The following ATP2C1 variants were observed in gnomAD, a reference collection of about 807,000 sequenced individuals.
The protein encoded by ATP2C1 is calcium-transporting ATPase type 2C member 1.
ATP2C1 carries 31 observed loss-of-function variants against 120.5 expected under a neutral mutation model. The ratio of observed to expected loss-of-function variants is 0.26; its 90% CI spans 0.19 to 0.35. ATP2C1 has a LOEUF of 0.35. Ranked by LOEUF, ATP2C1 falls within the 10% of genes least tolerant of loss-of-function variation. The pLI is 1.00. For synonymous variants in ATP2C1, 351 were observed against 358.7 expected (o/e 0.98, Z 0.24); for missense variants, 731 against 1,107.5 (o/e 0.66, Z 4.83).
At chr3:130,976,628 G>C (rs918397620) in intron 18 of ATP2C1, among the ~76,000 whole-genome samples, 70 of 152,266 alleles carry the variant, frequency 4.6e-4, no homozygotes, top group African/African-American at 1.7e-3. Context: ...AAGAGGCTTT[G>C]ATGACAGGTT....
chr3:130,914,829 A>C (rs192144785), intron 2 of ATP2C1, among the ~76,000 whole-genome samples: 4 of 152,316 alleles, frequency 2.6e-5, no homozygotes, highest in South Asian at 4.1e-4. Flanking sequence ...CATACCTTGA[A>C]CATGAAAACA....
At chr3:130,850,837 C>T (rs1652443259) in exon 1 of ATP2C1, 4 of 1,452,960 alleles carry the variant, frequency 2.8e-6, no homozygotes, top group African/African-American at 2.9e-5. Flanking sequence ...AGTCTGTTGC[C>T]TCCATCTAGA....
intron 18 of ATP2C1, among the ~76,000 whole-genome samples, chr3:130,976,909 G>A (rs947967164): frequency 5.9e-5 from 9 of 152,302 alleles, no homozygotes. Flanking sequence ...CACAGGGGGT[G>A]CCCTCGTACA....
At chr3:130,858,945 C>T (rs1429399064) in intron 1 of ATP2C1, among the ~76,000 whole-genome samples, 1 of 152,048 alleles carries the variant, frequency 6.6e-6, no homozygotes, top group Non-Finnish European at 1.5e-5. Context: ...TTATGATATA[C>T]TAATAAAGAT....
chr3:130,991,937 A>G (rs2062372208), intron 20 of ATP2C1, among the ~76,000 whole-genome samples: 1 of 152,222 alleles, frequency 6.6e-6, no homozygotes, highest in Admixed American at 6.5e-5. Context: ...GTACGAGGAG[A>G]GAAAACTAAT....
At position 130,972,659 on chromosome 3, in the gene ATP2C1, C is replaced by T. The variant is rs957682543; in HGVS notation, c.1414-2673C>T. 6.4e-5 allele frequency among the ~76,000 whole-genome samples: 9 copies of T among 140,540 alleles called. 1 individual carries two copies. The highest frequency in any genetic ancestry group is 2.4e-4 in the African/African-American group (9 of 37,698). The allele number at this position is 140,540 out of a possible 152,430, so 92.2% of individuals were successfully genotyped here. ...CACAACAGTCCCCAGAGTGTTCTTCCTGTGTCCATGTGTTCTCATTGTTCA... is the reference window on the plus strand; with the variant it reads ...CACAACAGTCCCCAGAGTGTTCTTCTTGTGTCCATGTGTTCTCATTGTTCA... On this transcript the variant is annotated intron_variant, in intron 17 of 27. Coordinates refer to ENST00000510168, the MANE Select transcript of ATP2C1 (RefSeq NM_001378687.1).
In ATP2C1 at chr3:131,001,205, T is replaced by TA; in HGVS notation, c.2630-14dup. 6.2e-7 allele frequency: 1 copy of TA among 1,610,946 alleles called. No homozygotes were observed. The highest frequency in any genetic ancestry group is 8.5e-7 in the Non-Finnish European group (1 of 1,177,882). ...TTTCAAAGAAATGTAAAACCCAACT[T>TA]ATTTTCTCTTGCAGATCTGTTGTTT... On this transcript the variant is annotated splice_polypyrimidine_tract_variant and intron_variant, in intron 27 of 27. Transcript: ENST00000510168.
intron 5 of ATP2C1, 140 bp from the exon 6 acceptor site, chr3:130,937,288 A>T (rs2059714789): frequency 6.7e-6 from 5 of 744,370 alleles, no homozygotes; most frequent in Non-Finnish European, 9.3e-6. Context: ...CCTTAAGGTA[A>T]AGTTGTGATT....
At chr3:130,935,471 T>A (rs1437602483) in intron 5 of ATP2C1, among the ~76,000 whole-genome samples, 1 of 152,212 alleles carries the variant, frequency 6.6e-6, no homozygotes, top group Non-Finnish European at 1.5e-5. Context: ...TTCATTTTTG[T>A]ATAAAAAATT....
At chr3:130,897,782 G>A (rs896714479) in intron 2 of ATP2C1, among the ~76,000 whole-genome samples, 1 of 152,088 alleles carries the variant, frequency 6.6e-6, no homozygotes, top group East Asian at 1.9e-4. Context: ...TAGACTCCAG[G>A]ATGTTTCATG....
chr3:130,978,797 A>G (rs1008722832), intron 18 of ATP2C1, among the ~76,000 whole-genome samples: 5 of 152,174 alleles, frequency 3.3e-5, no homozygotes. Context: ...AGAGTGTTTA[A>G]TTTTTCTGGA....
chr3:130,901,569 A>C (rs947551067), intron 2 of ATP2C1, among the ~76,000 whole-genome samples: 6 of 152,042 alleles, frequency 3.9e-5, no homozygotes, highest in African/African-American at 9.7e-5. Context: ...ACATGACTGC[A>C]AGATGTCATT....
intron 3 of ATP2C1, among the ~76,000 whole-genome samples, chr3:130,931,266 AC>A (rs2059437792): frequency 3.3e-5 from 5 of 152,108 alleles, no homozygotes; most frequent in Non-Finnish European, 5.9e-5. Flanking sequence ...TTTTGGGGGT[AC>A]AGATAATTTT....
chr3:130,932,841 T>G (rs958112992), intron 4 of ATP2C1, among the ~76,000 whole-genome samples: 3 of 152,202 alleles, frequency 2.0e-5, no homozygotes, highest in Non-Finnish European at 4.4e-5. Context: ...AAACGATCTA[T>G]GTTTAACTTT....
chr3:131,010,029 T>TA (rs1387693611), intron 26 of ATP2C1, among the ~76,000 whole-genome samples: 1 of 151,960 alleles, frequency 6.6e-6, no homozygotes, highest in Non-Finnish European at 1.5e-5. Context: ...CAGCATGTGG[T>TA]AGAGAGCAGC....
rs1332688046 is a variant in ATP2C1 at position 130,894,450 on chromosome 3, T to C, written c.-181+113T>C. On this transcript the variant is annotated intron_variant, in intron 1 of 27. Transcript: ENST00000510168. The surrounding 1 kb of genome is among the most constrained non-coding windows in gnomAD (Gnocchi z 4.5). ...GGGCATCTCTAGGGCGCCGCCCCGC[T>C]GGCGTGAGCTGGGGACGTTGCGGGC... 3.0e-6 allele frequency: 4 copies of C among 1,320,144 alleles called. No homozygotes were observed. Among genetic ancestry groups the C allele is most frequent in the Non-Finnish European group, 3.9e-6 (4 of 1,029,766 alleles). 81.8% of individuals were successfully genotyped at this position (1,320,144 alleles called of 1,614,324 possible).
intron 23 of ATP2C1, 75 bp downstream of exon 23, chr3:130,996,186 C>G (rs1478507820): frequency 1.9e-6 from 2 of 1,045,688 alleles, no homozygotes; most frequent in Non-Finnish European, 1.5e-6. Context: ...AGCAGAATGC[C>G]TAGAAACTTC....
intron 1 of ATP2C1, among the ~76,000 whole-genome samples, chr3:130,866,140 A>T (rs1450805249): frequency 1.3e-5 from 2 of 152,234 alleles, no homozygotes; most frequent in African/African-American, 4.8e-5. Flanking sequence ...TTTACAACTT[A>T]ACTAGACCAT....
At chr3:130,877,795 T>C (rs1031599536) in intron 1 of ATP2C1, among the ~76,000 whole-genome samples, 2 of 152,094 alleles carry the variant, frequency 1.3e-5, no homozygotes, top group African/African-American at 4.8e-5. Flanking sequence ...TGGGTATATA[T>C]CCAAAGGATT....
Sources: gnomAD v4.1 joint callset for allele counts (sites outside exome capture counted in the v4.1 genomes callset) on GRCh38, gnomAD v4.1.1 for gene constraint, Gnocchi (gnomAD v3.1) non-coding constraint, MANE v1.5 for transcripts, NCBI Gene and HGNC (gene_info 2026-07-23, HGNC 2026-07-21) for gene names.